The following UBE3A variants were observed in gnomAD, a reference collection of about 807,000 sequenced individuals.
UBE3A encodes the protein ubiquitin protein ligase E3A, also known as ubiquitin-protein ligase E3A.
A neutral mutation model predicts 83.4 loss-of-function variants in UBE3A; 6 were observed. That is an observed-to-expected ratio of 0.07 (90% CI 0.04 to 0.14). The LOEUF (loss-of-function observed/expected upper bound fraction) is 0.14, where lower values mean the gene tolerates loss of function less well. Ranked by LOEUF, UBE3A falls within the 10% of genes least tolerant of loss-of-function variation. UBE3A has a pLI of 1.00. For synonymous variants in UBE3A, 337 were observed against 355.4 expected (o/e 0.95, Z 0.58); for missense variants, 456 against 1,036.1 (o/e 0.44, Z 7.69).
Position 25,398,771 on chromosome 15 carries a change from T to TTA in UBE3A, c.62+6688_62+6689dup, listed in dbSNP as rs1159969391. On this transcript the variant is annotated intron_variant, in intron 4 of 12. Coordinates refer to ENST00000648336, the MANE Select transcript of UBE3A (RefSeq NM_130839.5). Reference sequence around the variant, plus strand: ...CAGCGCACTGATTTTATTCTTTTATTTATATATATATATATATATATATAT... The same window carrying TTA: ...CAGCGCACTGATTTTATTCTTTTATTTATATATATATATATATATATATATAT... Among the ~76,000 whole-genome samples the TTA allele has an allele frequency of 4.7e-3, 321 of 68,836 alleles. 1 individual carries two copies. The highest frequency in any genetic ancestry group is 0.013 in the African/African-American group (292 of 22,256). 45.2% of individuals were successfully genotyped at this position (68,836 alleles called of 152,430 possible). A position where few individuals can be genotyped will look rare whatever the true frequency, so the allele number is the denominator to read the frequency against.
chr15:25,437,616 T>C (rs1223326176), intron 1 of UBE3A, among the ~76,000 whole-genome samples: 2 of 152,224 alleles, frequency 1.3e-5, no homozygotes, highest in Admixed American at 1.3e-4. Context: ...CGCCACTTAA[T>C]AATCTCAAAC....
In UBE3A at chr15:25,336,256, G is replaced by T. The variant is rs2073955408; in HGVS notation, c.*2881C>A. 1 of 152,172 alleles carries T rather than the reference G, an allele frequency of 6.6e-6. No individual in the cohort carries two copies. The highest frequency in any genetic ancestry group is 1.5e-5 in the Non-Finnish European group (1 of 68,064). The allele number at this position is 152,172 out of a possible 1,614,324, so 9.4% of individuals were successfully genotyped here. A position where few individuals can be genotyped will look rare whatever the true frequency, so the allele number is the denominator to read the frequency against. ...ATGGAAGGGTGGGAGGGGTACAGAT[G>T]GCCCTTAGACACTGGCGGAAAGTCA... is the stretch of plus-strand genomic sequence containing the variant. On this transcript the variant is annotated 3_prime_UTR_variant, in exon 13 of 13. Coordinates refer to ENST00000648336, the MANE Select transcript of UBE3A (RefSeq NM_130839.5).
chr15:25,356,714 G>A lies in UBE3A; in HGVS notation c.1936C>T (p.Arg646Cys), dbSNP rs746286431. The A allele has an allele frequency of 3.1e-6, 5 of 1,613,034 alleles. No individual in the cohort carries two copies. The highest frequency in any genetic ancestry group is 1.3e-5 in the African/African-American group (1 of 74,848). The stretch of plus-strand genomic sequence containing the variant: ...ACTGGGTGAGAGTCTCCCAAGTCAC[G>A]AAAAGTTCCTTTTTTCCCCATTAGC... The part of the protein sequence containing the change: ...RKLMGKKGTF[R>C]DLGDSHPVLY... Residue 646 changes from arginine (R) to cysteine (C), a missense_variant, in exon 8 of 13, where the codon CGT (arginine) becomes TGT (cysteine). Physicochemically the swap from Arg to Cys is radical, Grantham distance 180. This residue lies in a region of UBE3A where 18 missense variants were observed against 17.6 expected (regional missense o/e 1.02). Coordinates refer to ENST00000648336, the MANE Select transcript of UBE3A (RefSeq NM_130839.5).
At chr15:25,434,520 C>T (rs732739) in intron 1 of UBE3A, among the ~76,000 whole-genome samples, 18,144 of 152,278 alleles carry the variant, frequency 0.12, 1,155 homozygotes, top group Middle Eastern at 0.23. Context: ...AGAATTAACA[C>T]TATTTCTATT....
intron 4 of UBE3A, among the ~76,000 whole-genome samples, chr15:25,385,927 A>G (rs1273435423): frequency 1.3e-5 from 2 of 152,176 alleles, no homozygotes; most frequent in East Asian, 3.9e-4. Context: ...TAAATATAGG[A>G]GAAAAATCCT....
chr15:25,420,782 T>C (rs930975384), intron 1 of UBE3A: 1 of 152,090 alleles, frequency 6.6e-6, no homozygotes, highest in African/African-American at 2.4e-5. Flanking sequence ...AATTACCACA[T>C]GACCCAGCAA....
chr15:25,400,467 T>C (rs1010689157), intron 4 of UBE3A, among the ~76,000 whole-genome samples: 1 of 152,226 alleles, frequency 6.6e-6, no homozygotes, highest in Non-Finnish European at 1.5e-5. Flanking sequence ...AGTATTTTTA[T>C]TGTTGTATTT....
chr15:25,370,433 A>T lies in UBE3A; in HGVS notation c.1608+133T>A. On this transcript the variant is annotated intron_variant, in intron 6 of 12. Coordinates refer to ENST00000648336, the MANE Select transcript of UBE3A (RefSeq NM_130839.5). The surrounding 1 kb of genome is among the most constrained non-coding windows in gnomAD (Gnocchi z 4.2). ...CAGGAACAACAAAAGTATAATACTT[A>T]TATAAGATCAGAAATGTCCATGTGT... is the stretch of plus-strand genomic sequence containing the variant. The T allele has an allele frequency of 4.7e-6, 5 of 1,067,150 alleles. No individual in the cohort carries two copies. The highest frequency in any genetic ancestry group is 7.2e-6 in the Non-Finnish European group (5 of 697,476). 66.1% of individuals were successfully genotyped at this position (1,067,150 alleles called of 1,614,324 possible). A position where few individuals can be genotyped will look rare whatever the true frequency, so the allele number is the denominator to read the frequency against.
chr15:25,406,451 C>A (rs1167754242), intron 3 of UBE3A, among the ~76,000 whole-genome samples: 1 of 152,000 alleles, frequency 6.6e-6, no homozygotes, highest in Non-Finnish European at 1.5e-5. Flanking sequence ...TTTCATTTCA[C>A]GAGATATGAA....
chr15:25,398,037 T>C (rs2152997291), intron 4 of UBE3A, among the ~76,000 whole-genome samples: 1 of 151,512 alleles, frequency 6.6e-6, no homozygotes, highest in Non-Finnish European at 1.5e-5. Context: ...CCAGGTTTGG[T>C]GACAAATAAA....
At chr15:25,400,077 T>C (rs192673899) in intron 4 of UBE3A, among the ~76,000 whole-genome samples, 312 of 152,310 alleles carry the variant, frequency 2.0e-3, no homozygotes, top group African/African-American at 7.1e-3. Context: ...TTGATCAGGA[T>C]TGCATTAAAA....
chr15:25,412,613 T>C (rs1042735012), intron 1 of UBE3A, among the ~76,000 whole-genome samples: 1 of 152,164 alleles, frequency 6.6e-6, no homozygotes, highest in African/African-American at 2.4e-5. Context: ...CCCTAAATTA[T>C]CACTGTAAAT....
At chr15:25,433,635 G>A (rs1041467542) in intron 1 of UBE3A, among the ~76,000 whole-genome samples, 1 of 152,280 alleles carries the variant, frequency 6.6e-6, no homozygotes, top group Admixed American at 6.5e-5. Context: ...TACGAAGCTA[G>A]TTAAAACAAC....
chr15:25,426,824 A>G (rs1224668590), intron 1 of UBE3A, among the ~76,000 whole-genome samples: 1 of 150,136 alleles, frequency 6.7e-6, no homozygotes, highest in Non-Finnish European at 1.5e-5. Flanking sequence ...GTGGCTGGTT[A>G]TAATTTTTTT....
chr15:25,411,346 T>C (rs951794380), intron 2 of UBE3A, among the ~76,000 whole-genome samples: 5 of 152,136 alleles, frequency 3.3e-5, no homozygotes, highest in Admixed American at 6.5e-5. Flanking sequence ...TCCCAGCACT[T>C]TGGGAGGCCA....
intron 11 of UBE3A, among the ~76,000 whole-genome samples, chr15:25,343,989 TAC>T (rs2075285125): frequency 6.6e-6 from 1 of 152,204 alleles, no homozygotes; most frequent in Non-Finnish European, 1.5e-5. Flanking sequence ...AGAAAAGAGA[TAC>T]TGTTGTAAAC....
rs370142725 is a variant in UBE3A at position 25,356,796 on chromosome 15, C to G, written c.1854G>C (p.Leu618=). The change falls in exon 8 of 13, where the codon CTG becomes CTC. Residue 618 remains leucine, a synonymous_variant. Coordinates refer to ENST00000648336, the MANE Select transcript of UBE3A (RefSeq NM_130839.5). ...QFTLIGIVLG[L]AIYNNCILDV... ...CCAGTATACAGTTATTGTAAATAGC[C>G]AGACCCAGTACTATGCCAATCAGAG... The G allele has an allele frequency of 1.1e-5, 17 of 1,613,788 alleles. No homozygotes were observed. The highest frequency in any genetic ancestry group is 1.4e-5 in the Non-Finnish European group (16 of 1,179,878).
chr15:25,418,145 A>G (rs1162628085), intron 1 of UBE3A: 1 of 152,182 alleles, frequency 6.6e-6, no homozygotes, highest in Admixed American at 6.5e-5. Flanking sequence ...CTAAACCTAG[A>G]AAAGGTACAG....
At chr15:25,394,885 T>G (rs548924001) in intron 4 of UBE3A, among the ~76,000 whole-genome samples, 2 of 152,186 alleles carry the variant, frequency 1.3e-5, no homozygotes, top group African/African-American at 4.8e-5. Flanking sequence ...GGCACTGTCA[T>G]TAGGCTTCCA....
Sources: allele counts gnomAD v4.1 joint callset (sites outside exome capture counted in the v4.1 genomes callset), GRCh38; gene constraint gnomAD v4.1.1; regional missense constraint gnomAD v4.1.1; non-coding constraint Gnocchi (gnomAD v3.1); transcripts MANE v1.5; gene names NCBI Gene and HGNC (gene_info 2026-07-23, HGNC 2026-07-21).